The following IGSF11 variants were observed in gnomAD, a reference collection of about 807,000 sequenced individuals.
The protein encoded by IGSF11 is immunoglobulin superfamily member 11.
In IGSF11, 22 loss-of-function variants were observed where a neutral mutation model predicts 41.0. The ratio of observed to expected loss-of-function variants is 0.54; its 90% confidence interval spans 0.38 to 0.77. The LOEUF (loss-of-function observed/expected upper bound fraction) is 0.77. Among genes scored for constraint, IGSF11 ranks in the 30% least tolerant of loss-of-function variants. The probability of loss-of-function intolerance (pLI) is 0.00; values close to 1 mark genes in which losing one functional copy is unlikely to be tolerated. For missense variants in IGSF11, 444 were observed against 530.8 expected, an observed-to-expected ratio of 0.84 and a Z score of 1.61; for synonymous variants, 219 against 201.3, an observed-to-expected ratio of 1.09 and a Z score of -0.74.
At chr3:118,933,895 T>C (rs969940117) in intron 1 of IGSF11, among the ~76,000 whole-genome samples, 2 of 151,962 alleles carry the variant, frequency 1.3e-5, no homozygotes, top group African/African-American at 4.8e-5. Flanking sequence ...TTTAGAGGAG[T>C]TTATCTAGGA....
chr3:119,079,215 C>A (rs1002484767), intron 1 of IGSF11, among the ~76,000 whole-genome samples: 1 of 151,904 alleles, frequency 6.6e-6, no homozygotes, highest in Non-Finnish European at 1.5e-5. Context: ...AAAAATTAGC[C>A]GGGTGTGGTG....
intron 1 of IGSF11, among the ~76,000 whole-genome samples, chr3:119,078,218 A>T (rs1381134741): frequency 1.3e-5 from 2 of 152,206 alleles, no homozygotes; most frequent in Non-Finnish European, 2.9e-5. Context: ...AGTCATGTCA[A>T]AGAAAAAGAA....
intron 1 of IGSF11, among the ~76,000 whole-genome samples, chr3:119,033,175 T>C (rs1023413442): frequency 6.6e-6 from 1 of 152,190 alleles, no homozygotes; most frequent in Non-Finnish European, 1.5e-5. Flanking sequence ...AAGAGGAGCA[T>C]TTATTATAAT....
chr3:119,042,144 GA>G (rs1941140294), intron 1 of IGSF11, among the ~76,000 whole-genome samples: 1 of 152,140 alleles, frequency 6.6e-6, no homozygotes, highest in African/African-American at 2.4e-5. Context: ...GAGGTTAAAG[GA>G]AAAAAATTAG....
At chr3:118,939,271 A>ATT (rs891529381) in intron 1 of IGSF11, among the ~76,000 whole-genome samples, 1 of 148,872 alleles carries the variant, frequency 6.7e-6, no homozygotes, top group Non-Finnish European at 1.5e-5. Flanking sequence ...ACCATCATGT[A>ATT]TTTTTTTTTT....
intron 1 of IGSF11, among the ~76,000 whole-genome samples, chr3:119,136,490 T>C (rs2077564220): frequency 6.6e-6 from 1 of 152,162 alleles, no homozygotes; most frequent in Admixed American, 6.5e-5. Flanking sequence ...GGATATTCCA[T>C]GTCTATGGAA....
At chr3:119,126,172 G>T (rs2077402855) in intron 1 of IGSF11, among the ~76,000 whole-genome samples, 1 of 152,230 alleles carries the variant, frequency 6.6e-6, no homozygotes, top group African/African-American at 2.4e-5. Flanking sequence ...TCCAGGCTGC[G>T]CTTTTCCGCT....
At chr3:118,934,759 G>A (rs1332138525) in intron 1 of IGSF11, among the ~76,000 whole-genome samples, 1 of 152,180 alleles carries the variant, frequency 6.6e-6, no homozygotes, top group East Asian at 1.9e-4. Flanking sequence ...AGCTGGGCAA[G>A]CCAGACATTT....
chr3:119,103,912 C>G (rs2076978420), intron 1 of IGSF11, among the ~76,000 whole-genome samples: 1 of 152,166 alleles, frequency 6.6e-6, no homozygotes, highest in Admixed American at 6.5e-5. Context: ...TGCCAATACT[C>G]CTCTTCACCC....
chr3:119,027,823 G>A (rs557090204), intron 1 of IGSF11, among the ~76,000 whole-genome samples: 1 of 152,218 alleles, frequency 6.6e-6, no homozygotes, highest in East Asian at 1.9e-4. Flanking sequence ...GATCAACAAG[G>A]CTATCTATAT....
chr3:118,956,300 T>C (rs919995652), intron 1 of IGSF11, among the ~76,000 whole-genome samples: 3 of 152,164 alleles, frequency 2.0e-5, no homozygotes, highest in African/African-American at 7.2e-5. Context: ...TTCACTGGAG[T>C]ATCACTTCTA....
Position 119,074,377 on chromosome 3 carries a change from T to C in IGSF11, c.49+30767A>G, listed in dbSNP as rs74923508. On this transcript the variant is annotated intron_variant, in intron 1 of 6. Coordinates refer to the IGSF11 transcript ENST00000354673. ...CAAAAGGTCTCTCAACCCCATATGA[T>C]TACGTGGAAATTAAACAATCTGCTC... Among the ~76,000 whole-genome samples, 2,268 of 152,100 alleles carry C rather than the reference T, an allele frequency of 0.015. 89 individuals carry two copies. The East Asian group carries it at 0.16, about 10-fold the overall frequency.
At chr3:119,061,364 T>C (rs895471208) in intron 1 of IGSF11, among the ~76,000 whole-genome samples, 1 of 152,130 alleles carries the variant, frequency 6.6e-6, no homozygotes, top group African/African-American at 2.4e-5. Flanking sequence ...CAAGTACCTC[T>C]CTCTTTCTGC....
intron 4 of IGSF11, among the ~76,000 whole-genome samples, chr3:118,921,996 T>C (rs1941846271): frequency 6.6e-6 from 1 of 151,586 alleles, no homozygotes; most frequent in African/African-American, 2.4e-5. Flanking sequence ...TATTATATGA[T>C]ACTAAAATTG....
At chr3:119,035,204 C>A (rs1024107274), upstream of IGSF11, among the ~76,000 whole-genome samples, 4 of 152,234 alleles carry the variant, frequency 2.6e-5, no homozygotes, top group African/African-American at 9.6e-5. Context: ...ATGACTTTTC[C>A]ACAGCCTTCC....
intron 2 of IGSF11, 69 bp from the exon 3 acceptor site, chr3:118,928,785 T>A (rs889659090): frequency 1.8e-6 from 2 of 1,118,098 alleles, no homozygotes; most frequent in Non-Finnish European, 2.6e-6. Context: ...AATAACTATT[T>A]GGTAGACAGT....
intron 1 of IGSF11, among the ~76,000 whole-genome samples, chr3:119,056,810 G>A (rs1338524433): frequency 6.6e-6 from 1 of 152,180 alleles, no homozygotes; most frequent in Non-Finnish European, 1.5e-5. Flanking sequence ...ATGCAAGGCT[G>A]GTTCAACATA....
chr3:119,038,131 C>G (rs79837698), upstream of IGSF11, among the ~76,000 whole-genome samples: 1,238 of 152,080 alleles, frequency 8.1e-3, 23 homozygotes, highest in African/African-American at 0.028. Context: ...CTCCCCCTCC[C>G]CCTTTGCAAA....
At chr3:118,930,297 G>T (rs774862396) in intron 1 of IGSF11, 22 bp from the exon 2 acceptor site, 1 of 1,597,606 alleles carries the variant, frequency 6.3e-7, no homozygotes, top group Non-Finnish European at 8.5e-7. Flanking sequence ...GGAACAGGGA[G>T]GTTATATGCT....
Sources: allele counts gnomAD v4.1 joint callset (sites outside exome capture counted in the v4.1 genomes callset), GRCh38; gene constraint gnomAD v4.1.1; transcripts MANE v1.5; gene names NCBI Gene and HGNC (gene_info 2026-07-23, HGNC 2026-07-21).